TTLL3: variants seen among roughly 807,000 people sequenced by gnomAD.
The protein encoded by TTLL3 is tubulin tyrosine ligase like 3, also known as tubulin monoglycylase TTLL3.
A neutral mutation model predicts 75.2 loss-of-function variants in TTLL3; 63 were observed. That is an observed-to-expected ratio of 0.84 (90% CI 0.68 to 1.03). The LOEUF (loss-of-function observed/expected upper bound fraction) is 1.03. TTLL3 is among the 50% of genes least tolerant of loss of function. The pLI is 0.00. For missense variants in TTLL3, 997 were observed against 1,069.9 expected (o/e 0.93, Z 0.95); for synonymous variants, 393 against 418.5 (o/e 0.94, Z 0.74).
At chr3:9,809,980 T>TGGGAGGGCGGGCGCGGGATCAGGGGCCCG (rs1559733259), upstream of TTLL3, 1 of 1,301,550 alleles carries the variant, frequency 7.7e-7, no homozygotes, top group South Asian at 2.4e-5. Flanking sequence ...TCAGGGGCCC[T>TGGGAGGGCGGGCGCGGGATCAGGGGCCCG]GGGAGGGCGA....
At chr3:9,822,748 A>ATAT (rs2080587565) in intron 8 of TTLL3, among the ~76,000 whole-genome samples, 1 of 140,750 alleles carries the variant, frequency 7.1e-6, no homozygotes, top group East Asian at 2.1e-4. Context: ...TATATATTAT[A>ATAT]ATATATATAA....
intron 8 of TTLL3, 110 bp downstream of exon 8, chr3:9,820,851 C>T (rs952551862): frequency 1.1e-5 from 16 of 1,476,794 alleles, no homozygotes; most frequent in African/African-American, 2.8e-5. Context: ...TCGTTTACCC[C>T]GCTGTTCTGC....
intron 8 of TTLL3, among the ~76,000 whole-genome samples, chr3:9,822,906 G>A (rs2080615664): frequency 6.7e-6 from 1 of 148,776 alleles, no homozygotes; most frequent in Non-Finnish European, 1.5e-5. Context: ...ACTGCACTCG[G>A]CCTAATTCAT....
chr3:9,820,297 T>C (rs1490874272), intron 7 of TTLL3: 6 of 1,340,010 alleles, frequency 4.5e-6, no homozygotes, highest in East Asian at 5.8e-5. Flanking sequence ...GTCAGAGGCC[T>C]TGGGGACATT....
rs781745490 is a variant in TTLL3 at position 9,813,015 on chromosome 3, GAGA to G, written c.128_130del (p.Lys43del). On this transcript the variant is annotated inframe_deletion, in exon 3 of 14. Transcript: ENST00000685419. ...TCTCTTGCGCCGGAGGGGCTGGGTG[GAGA>G]AGAAGATGGTCCATCGCTCAGGCCC... is the stretch of plus-strand genomic sequence containing the variant. 4 of 1,580,024 alleles carry G rather than the reference GAGA, an allele frequency of 2.5e-6. No homozygotes were observed. The highest frequency in any genetic ancestry group is 2.7e-5 in the African/African-American group (2 of 73,930).
At chr3:9,820,852 G>A (rs528562227) in intron 8 of TTLL3, 111 bp downstream of exon 8, 18 of 1,475,552 alleles carry the variant, frequency 1.2e-5, no homozygotes, top group Middle Eastern at 2.5e-4. Flanking sequence ...CGTTTACCCC[G>A]CTGTTCTGCT....
Position 9,829,077 on chromosome 3 carries a change from G to A in TTLL3, c.1365G>A (p.Gln455=). 6.2e-7 allele frequency: 1 copy of A among 1,614,258 alleles called. No homozygotes were observed. Among genetic ancestry groups the A allele is most frequent in the Non-Finnish European group, 8.5e-7 (1 of 1,180,054 alleles). The part of the protein sequence containing the change: ...WSSQRFQAHL[Q]EMGAPNAWST... ...GCCAGAGGTTCCAGGCCCACCTGCAGGAGATGGGTGCCCCAAATGCTTGGT... is the reference window on the plus strand; with the variant it reads ...GCCAGAGGTTCCAGGCCCACCTGCAAGAGATGGGTGCCCCAAATGCTTGGT... The change falls in exon 11 of 14, where the codon CAG becomes CAA. Residue 455 remains glutamine (Q), a synonymous_variant. Transcript: ENST00000685419.
chr3:9,829,200 T>C lies in TTLL3; in HGVS notation c.1488T>C (p.Tyr496=), dbSNP rs781514556. Residue 496 remains tyrosine (Y), a synonymous_variant, in exon 11 of 14, where the codon TAT becomes TAC. Transcript: ENST00000685419. ...GTCGGAAGGCCAGCTTTGAGCTCTA[T>C]GGCGCTGACTTCGTGTTCGGGGAGG... ...VQCRKASFEL[Y]GADFVFGEDF... The C allele has an allele frequency of 6.2e-7, 1 of 1,614,222 alleles. No homozygotes were observed. Among genetic ancestry groups the C allele is most frequent in the South Asian group, 1.1e-5 (1 of 91,088 alleles).
intron 4 of TTLL3, among the ~76,000 whole-genome samples, chr3:9,814,721 T>A (rs1303052060): frequency 6.6e-6 from 1 of 151,896 alleles, no homozygotes; most frequent in Non-Finnish European, 1.5e-5. Context: ...CTCGGGAGGC[T>A]GAGGTGTGAG....
At position 9,833,086 on chromosome 3, in the gene TTLL3, T is replaced by G; in HGVS notation, c.1684-18T>G. ...TACCACTGACTGAGTGGGCCTTGTC[T>G]CCTCTTCTTGCCCACAGCCTGCTGT... On this transcript the variant is annotated intron_variant, in intron 11 of 13. Transcript: ENST00000685419. 1 of 1,613,870 alleles carries G rather than the reference T, an allele frequency of 6.2e-7. No individual in the cohort carries two copies. The highest frequency in any genetic ancestry group is 8.5e-7 in the Non-Finnish European group (1 of 1,179,766).
Position 9,836,333 on chromosome 3 carries a change from A to G in TTLL3, c.*844A>G, listed in dbSNP as rs1005281610. On this transcript the variant is annotated 3_prime_UTR_variant, in exon 14 of 14. Transcript: ENST00000685419. Reference sequence around the variant, plus strand: ...AAAAAAAAGGTCTTTGCAGATGTAAATAAATTTAAGATCTTAAATGAGATA... The same window carrying G: ...AAAAAAAAGGTCTTTGCAGATGTAAGTAAATTTAAGATCTTAAATGAGATA... 26 of 152,232 alleles carry G rather than the reference A, an allele frequency of 1.7e-4. No homozygotes were observed. The highest frequency in any genetic ancestry group is 6.3e-4 in the African/African-American group (26 of 41,538). The allele number at this position is 152,232 out of a possible 1,614,324, so 9.4% of individuals were successfully genotyped here. A position where few individuals can be genotyped will look rare whatever the true frequency, so the allele number is the denominator to read the frequency against.
intron 4 of TTLL3, among the ~76,000 whole-genome samples, chr3:9,814,497 A>C (rs2079640384): frequency 6.6e-6 from 1 of 151,838 alleles, no homozygotes; most frequent in Non-Finnish European, 1.5e-5. Context: ...AAAATAGAAA[A>C]ATTAGCTGGG....
intron 8 of TTLL3, among the ~76,000 whole-genome samples, chr3:9,823,447 G>A (rs1373307735): frequency 7.1e-6 from 1 of 139,950 alleles, no homozygotes; most frequent in Non-Finnish European, 1.5e-5. Context: ...TAAGAACTAA[G>A]CCAGCCAGGT....
chr3:9,832,039 TC>T (rs1161284509), intron 11 of TTLL3, among the ~76,000 whole-genome samples: 1 of 151,188 alleles, frequency 6.6e-6, no homozygotes, highest in Non-Finnish European at 1.5e-5. Context: ...GATCCGCCTG[TC>T]TTGGCCTCCC....
chr3:9,810,410 C>T lies in TTLL3; in HGVS notation c.-42+16C>T, dbSNP rs1400156650. 2 of 1,412,982 alleles carry T rather than the reference C, an allele frequency of 1.4e-6. No individual in the cohort carries two copies. The highest frequency in any genetic ancestry group is 3.1e-5 in the Admixed American group (1 of 32,122). 87.5% of individuals were successfully genotyped at this position (1,412,982 alleles called of 1,614,324 possible). A position where few individuals can be genotyped will look rare whatever the true frequency, so the allele number is the denominator to read the frequency against. On this transcript the variant is annotated intron_variant, in intron 1 of 13. Coordinates refer to ENST00000685419, the MANE Select transcript of TTLL3 (RefSeq NM_001387446.1). This position sits in a 1 kb window ranked among gnomAD's most constrained non-coding sequence, Gnocchi z 4.4. The stretch of plus-strand genomic sequence containing the variant: ...CCGCAGGATGGTGAGGCCCGTGCGG[C>T]CCGCTCGCTCTGGCCTACAGCGGCT...
At chr3:9,832,823 G>A (rs941793129) in intron 11 of TTLL3, among the ~76,000 whole-genome samples, 1 of 152,204 alleles carries the variant, frequency 6.6e-6, no homozygotes, top group African/African-American at 2.4e-5. Context: ...GGAGCCACAC[G>A]CATTCCAGCA....
intron 12 of TTLL3, chr3:9,834,112 CAAAAA>C (rs34679102): frequency 1.2e-3 from 160 of 130,946 alleles, no homozygotes; most frequent in East Asian, 3.8e-3. Flanking sequence ...AACTCTGTCT[CAAAAA>C]AAAAAAAAAA....
intron 11 of TTLL3, among the ~76,000 whole-genome samples, chr3:9,830,990 A>C (rs2081470269): frequency 6.6e-6 from 1 of 152,150 alleles, no homozygotes; most frequent in East Asian, 1.9e-4. Context: ...TTTAGTAGAG[A>C]TGGGGTTTCA....
At chr3:9,809,847 T>G, upstream of TTLL3, 1 of 522,658 alleles carries the variant, frequency 1.9e-6, no homozygotes, top group Non-Finnish European at 3.0e-6. Flanking sequence ...AGCGGTCTGA[T>G]GGTGCCCAGG....
Sources: gnomAD v4.1 joint callset for allele counts (sites outside exome capture counted in the v4.1 genomes callset) on GRCh38, gnomAD v4.1.1 for gene constraint, Gnocchi (gnomAD v3.1) non-coding constraint, MANE v1.5 for transcripts, NCBI Gene and HGNC (gene_info 2026-07-23, HGNC 2026-07-21) for gene names.